PRUNE1: variants seen among roughly 807,000 people sequenced by gnomAD.
PRUNE1 encodes the protein exopolyphosphatase PRUNE1.
PRUNE1 carries 25 observed loss-of-function variants against 42.5 expected under a neutral mutation model. The observed-to-expected ratio is 0.59, with a 90% CI of 0.43 to 0.82. PRUNE1 has a LOEUF of 0.82. PRUNE1 is among the 40% of genes least tolerant of loss of function. The pLI is 0.00. For synonymous variants in PRUNE1, 203 were observed against 217.1 expected, an observed-to-expected ratio of 0.93 and a Z score of 0.57; for missense variants, 443 against 539.3, an observed-to-expected ratio of 0.82 and a Z score of 1.77.
At chr1:151,010,273 A>G (rs1343723380) in intron 1 of PRUNE1, among the ~76,000 whole-genome samples, 2 of 152,056 alleles carry the variant, frequency 1.3e-5, no homozygotes, top group African/African-American at 2.4e-5. Flanking sequence ...TTATAGAGAC[A>G]GGGTCTCGCC....
At chr1:151,032,619 C>T (rs1399421124) in intron 7 of PRUNE1, among the ~76,000 whole-genome samples, 3 of 150,092 alleles carry the variant, frequency 2.0e-5, no homozygotes, top group Admixed American at 1.3e-4. Flanking sequence ...GAGGCTGAGG[C>T]AGGAGATTCA....
In PRUNE1 at chr1:151,024,735, G is replaced by A. The variant is rs140659891; in HGVS notation, c.460G>A (p.Glu154Lys). ...LVGSCATLVT[E>K]RILQGAPEIL... is the part of the protein sequence containing the mutation. ...GGGGTCCTGTGCTACCCTGGTGACC[G>A]AGAGAATCCTGCAGGGGGCACCAGA... The change falls in exon 4 of 8, where the codon GAG becomes AAG. Residue 154 changes from glutamate (E) to lysine (K), a missense_variant. Physicochemically the swap from Glu to Lys is moderately conservative, Grantham distance 56 (BLOSUM62 1). Transcript: ENST00000271620. 2,423 of 1,614,098 alleles carry A rather than the reference G, an allele frequency of 1.5e-3. 45 individuals carry two copies. The highest frequency in any genetic ancestry group is 2.2e-4 in the Non-Finnish European group (255 of 1,180,006).
chr1:151,028,354 C>T (rs953041267), intron 6 of PRUNE1, among the ~76,000 whole-genome samples: 8 of 152,154 alleles, frequency 5.3e-5, no homozygotes, highest in African/African-American at 1.9e-4. Context: ...ATTCTCCTGC[C>T]TCAGCCTCCC....
At chr1:151,027,747 A>AGT (rs3034003) in intron 6 of PRUNE1, among the ~76,000 whole-genome samples, 48,796 of 130,304 alleles carry the variant, frequency 0.37, 10,648 homozygotes, top group East Asian at 0.73. Context: ...ACACCTAACT[A>AGT]GTGTGTGTGT....
intron 7 of PRUNE1, among the ~76,000 whole-genome samples, chr1:151,032,679 A>G (rs1033808997): frequency 6.8e-6 from 1 of 147,846 alleles, no homozygotes; most frequent in Non-Finnish European, 1.5e-5. Flanking sequence ...GCACCACTGC[A>G]CTCCAGCCTG....
intron 3 of PRUNE1, among the ~76,000 whole-genome samples, chr1:151,019,339 T>G (rs587757940): frequency 9.7e-4 from 147 of 152,208 alleles, no homozygotes; most frequent in African/African-American, 3.1e-3. Flanking sequence ...GCCAGATCCA[T>G]TAAGCTCCAG....
chr1:151,008,560 C>T lies in PRUNE1; in HGVS notation c.-73C>T. ...CCCTGAGTCCCGGGCGGGCTGCATT[C>T]GTCGGGGAAACCTCTCCTCGACCAG... On this transcript the variant is annotated 5_prime_UTR_variant, in exon 1 of 8. Transcript: ENST00000271620. 2 of 1,568,788 alleles carry T rather than the reference C, an allele frequency of 1.3e-6. No individual in the cohort carries two copies. Among genetic ancestry groups the T allele is most frequent in the Non-Finnish European group, 1.8e-6 (2 of 1,138,736 alleles).
intron 7 of PRUNE1, among the ~76,000 whole-genome samples, chr1:151,032,225 A>G (rs1675281811): frequency 6.7e-6 from 1 of 148,496 alleles, no homozygotes; most frequent in Admixed American, 6.9e-5. Flanking sequence ...AGCCTGGGTA[A>G]CAGAGCAAGA....
In PRUNE1 at chr1:151,034,332, T is replaced by A. The variant is rs772782820; in HGVS notation, c.*98T>A. 2.3e-5 allele frequency: 30 copies of A among 1,283,474 alleles called. No individual in the cohort carries two copies. The highest frequency in any genetic ancestry group is 3.1e-5 in the Non-Finnish European group (29 of 922,044). 79.5% of individuals were successfully genotyped at this position (1,283,474 alleles called of 1,614,324 possible). ...GATTCAGCAATTCTGTCTTCATTGC[T>A]CCAGGATCTGGTATACTGTTCTCAT... On this transcript the variant is annotated 3_prime_UTR_variant, in exon 8 of 8. Transcript: ENST00000271620.
rs745560773 is a variant in PRUNE1, at chr1:151,033,810, G to T, written c.938G>T (p.Cys313Phe). ...CPHVALQTTICEVLERSHSPP... is the reference protein window; with the variant it reads ...CPHVALQTTIFEVLERSHSPP... ...CTGTTATTGTCTCCTCTTTAGATCT[G>T]TGAAGTCCTGGAACGCTCCCACTCT... The change falls in exon 8 of 8, where the codon TGT becomes TTT. Residue 313 changes from cysteine (C) to phenylalanine (F), a missense_variant. Transcript: ENST00000271620. 16 of 1,612,496 alleles carry T rather than the reference G, an allele frequency of 9.9e-6. No individual in the cohort carries two copies. Among genetic ancestry groups the T allele is most frequent in the Non-Finnish European group, 1.7e-6 (2 of 1,178,934 alleles).
chr1:151,027,456 C>T, intron 6 of PRUNE1, 129 bp downstream of exon 6: 2 of 651,394 alleles, frequency 3.1e-6, no homozygotes, highest in South Asian at 1.8e-5. Context: ...TCTCTACCTC[C>T]ACTGTGACCA....
In PRUNE1 at chr1:151,034,622, C is replaced by G. The variant is rs1675449603; in HGVS notation, c.*388C>G. On this transcript the variant is annotated 3_prime_UTR_variant, in exon 8 of 8. Transcript: ENST00000271620. ...GAACTGAACATTCATCGATGGTCTC[C>G]ATGTATTCATTTATTCACTTGTTCA... The G allele has an allele frequency of 5.5e-6, 1 of 180,872 alleles. No individual in the cohort carries two copies. The highest frequency in any genetic ancestry group is 1.2e-5 in the Non-Finnish European group (1 of 83,952). The allele number at this position is 180,872 out of a possible 1,614,324, so 11.2% of individuals were successfully genotyped here. A position where few individuals can be genotyped will look rare whatever the true frequency, so the allele number is the denominator to read the frequency against.
In PRUNE1 at chr1:151,017,919, G is replaced by A. The variant is rs376514773; in HGVS notation, c.132+15G>A. 16 of 1,517,218 alleles carry A rather than the reference G, an allele frequency of 1.1e-5. No homozygotes were observed. Among genetic ancestry groups the A allele is most frequent in the Middle Eastern group, 1.7e-4 (1 of 5,880 alleles). The allele number at this position is 1,517,218 out of a possible 1,614,324, so 94.0% of individuals were successfully genotyped here. ...ACCTAGCAAAGGTGGGTAAAAAAAC[G>A]TAGTACCTAGGATCTGAGTCCCTCA... On this transcript the variant is annotated intron_variant, in intron 2 of 7. Coordinates refer to ENST00000271620, the MANE Select transcript of PRUNE1 (RefSeq NM_021222.3).
At chr1:151,012,375 G>A (rs1673823237) in intron 1 of PRUNE1, among the ~76,000 whole-genome samples, 1 of 152,132 alleles carries the variant, frequency 6.6e-6, no homozygotes. Context: ...GGCAGTCTTG[G>A]TTTTCCCCTG....
Position 151,034,617 on chromosome 1 carries a change from GTC to G in PRUNE1, c.*386_*387del, listed in dbSNP as rs1293278225. Reference sequence around the variant, plus strand: ...TCATGGAACTGAACATTCATCGATGGTCTCCATGTATTCATTTATTCACTTGT... The same window carrying G: ...TCATGGAACTGAACATTCATCGATGGTCCATGTATTCATTTATTCACTTGT... On this transcript the variant is annotated 3_prime_UTR_variant, in exon 8 of 8. Transcript: ENST00000271620. 1 of 187,332 alleles carries G rather than the reference GTC, an allele frequency of 5.3e-6. No homozygotes were observed. Among genetic ancestry groups the G allele is most frequent in the African/African-American group, 2.3e-5 (1 of 43,234 alleles). The allele number at this position is 187,332 out of a possible 1,614,324, so 11.6% of individuals were successfully genotyped here. A position where few individuals can be genotyped will look rare whatever the true frequency, so the allele number is the denominator to read the frequency against.
rs1674918324 is a variant in PRUNE1, at chr1:151,027,402, T to A, written c.774+75T>A. ...CATGTTATGCATGTGGCCTTGCACCTCATTCCTGGCTCACCTCCAAAATGT... is the reference window on the plus strand; with the variant it reads ...CATGTTATGCATGTGGCCTTGCACCACATTCCTGGCTCACCTCCAAAATGT... On this transcript the variant is annotated intron_variant, in intron 6 of 7. Transcript: ENST00000271620. 19 of 1,063,414 alleles carry A rather than the reference T, an allele frequency of 1.8e-5. 1 individual carries two copies. The Admixed American group carries it at 3.5e-4, about 19-fold the overall frequency. The allele number at this position is 1,063,414 out of a possible 1,614,324, so 65.9% of individuals were successfully genotyped here. A position where few individuals can be genotyped will look rare whatever the true frequency, so the allele number is the denominator to read the frequency against.
intron 6 of PRUNE1, among the ~76,000 whole-genome samples, chr1:151,028,229 G>A (rs912039299): frequency 2.0e-5 from 3 of 151,978 alleles, no homozygotes; most frequent in African/African-American, 7.3e-5. Context: ...TAGCAGTTAT[G>A]TATGTATGTT....
In PRUNE1 at chr1:151,022,494, C is replaced by T. The variant is rs779970167; in HGVS notation, c.336-2117C>T. On this transcript the variant is annotated intron_variant, in intron 3 of 7. Transcript: ENST00000271620. ...AGTGCACTGGCGCGATCTCGGCTCA[C>T]TGCAAGCTCCGCCTCCCGGGTTCAC... Among the ~76,000 whole-genome samples the T allele has an allele frequency of 9.2e-4, 139 of 150,290 alleles. 1 individual carries two copies. Among genetic ancestry groups the T allele is most frequent in the Non-Finnish European group, 1.7e-3 (116 of 67,782 alleles).
At chr1:151,012,702 G>A (rs1045346627) in intron 1 of PRUNE1, among the ~76,000 whole-genome samples, 1 of 152,062 alleles carries the variant, frequency 6.6e-6, no homozygotes, top group East Asian at 1.9e-4. Flanking sequence ...TACAGCGTAG[G>A]CACTTATGGT....
Sources: gnomAD v4.1 joint callset for allele counts (sites outside exome capture counted in the v4.1 genomes callset) on GRCh38, gnomAD v4.1.1 for gene constraint, MANE v1.5 for transcripts, NCBI Gene and HGNC (gene_info 2026-07-23, HGNC 2026-07-21) for gene names.